PARD3B: variants seen among roughly 807,000 people sequenced by gnomAD.
The protein encoded by PARD3B is par-3 family cell polarity regulator beta.
Under a neutral mutation model 130.2 loss-of-function variants are expected in PARD3B, and 103 were observed. The ratio of observed to expected loss-of-function variants is 0.79; its 90% CI spans 0.67 to 0.93. PARD3B has a LOEUF of 0.93. Ranked by LOEUF, PARD3B falls within the 40% of genes least tolerant of loss-of-function variation. The pLI is 0.00. For synonymous variants in PARD3B, 583 were observed against 553.2 expected (o/e 1.05, Z -0.76); for missense variants, 1,609 against 1,499.2 (o/e 1.07, Z -1.21).
intron 3 of PARD3B, among the ~76,000 whole-genome samples, chr2:205,031,418 C>A (rs1697415170): frequency 6.6e-6 from 1 of 151,878 alleles, no homozygotes; most frequent in African/African-American, 2.4e-5. Flanking sequence ...GTTTGCTTAC[C>A]CTGAGAAGAC....
intron 1 of PARD3B, among the ~76,000 whole-genome samples, chr2:204,550,991 T>C (rs2030416460): frequency 1.3e-5 from 2 of 152,238 alleles, no homozygotes; most frequent in African/African-American, 4.8e-5. Context: ...GGGCACTGAC[T>C]TACTTGAGTG....
chr2:204,783,748 G>T (rs1299054221), intron 2 of PARD3B, among the ~76,000 whole-genome samples: 8 of 152,110 alleles, frequency 5.3e-5, no homozygotes, highest in African/African-American at 9.7e-5. Context: ...GTAAGGGACA[G>T]AGTTGAGATT....
At chr2:204,787,569 A>C (rs2042054736) in intron 2 of PARD3B, among the ~76,000 whole-genome samples, 1 of 152,148 alleles carries the variant, frequency 6.6e-6, no homozygotes, top group Non-Finnish European at 1.5e-5. Context: ...ATACTAGCAA[A>C]GGTAGGCCTT....
At chr2:205,005,453 A>G (rs1227287525) in intron 3 of PARD3B, among the ~76,000 whole-genome samples, 1 of 152,164 alleles carries the variant, frequency 6.6e-6, no homozygotes, top group Non-Finnish European at 1.5e-5. Context: ...AGAGGTCAGC[A>G]CCAGAAGAAA....
At chr2:204,929,345 C>G (rs1687858133) in intron 2 of PARD3B, among the ~76,000 whole-genome samples, 1 of 152,078 alleles carries the variant, frequency 6.6e-6, no homozygotes, top group Non-Finnish European at 1.5e-5. Flanking sequence ...ATCTAAACGT[C>G]AAACCCGCCA....
chr2:204,956,259 A>G (rs1468569829), intron 2 of PARD3B, among the ~76,000 whole-genome samples: 1 of 152,222 alleles, frequency 6.6e-6, no homozygotes, highest in Non-Finnish European at 1.5e-5. Flanking sequence ...TGTTTCTGAG[A>G]CGATTCTATC....
chr2:205,180,368 G>A (rs75357828), intron 13 of PARD3B, among the ~76,000 whole-genome samples: 4,253 of 151,914 alleles, frequency 0.028, 98 homozygotes, highest in African/African-American at 0.06. Flanking sequence ...TGGCCATCAC[G>A]TCTTTGTAAT....
chr2:204,748,654 T>C lies in PARD3B; in HGVS notation c.222+62372T>C, dbSNP rs1176742978. ...AGATTGCTGGTCCTCAACTCTAAAC[T>C]ATCTGATTCAGTGGGTGTGGAGTAG... is the stretch of plus-strand genomic sequence containing the variant. On this transcript the variant is annotated intron_variant, in intron 2 of 22. Transcript: ENST00000406610. Among the ~76,000 whole-genome samples, 6 of 152,278 alleles carry C rather than the reference T, an allele frequency of 3.9e-5. No individual in the cohort carries two copies. The East Asian group carries it at 1.2e-3, about 29-fold the overall frequency.
chr2:205,140,267 T>C (rs1488548735), intron 10 of PARD3B, among the ~76,000 whole-genome samples: 1 of 152,180 alleles, frequency 6.6e-6, no homozygotes, highest in Non-Finnish European at 1.5e-5. Flanking sequence ...AATAAGGATG[T>C]ATAAGGCCAT....
rs1421410791 is a variant in PARD3B, at chr2:205,258,447, C to T, written c.2185+12625C>T. Among the ~76,000 whole-genome samples, 1 of 152,186 alleles carries T rather than the reference C, an allele frequency of 6.6e-6. No homozygotes were observed. Among genetic ancestry groups the T allele is most frequent in the African/African-American group, 2.4e-5 (1 of 41,448 alleles). ...CACCCTATCTAAAATAGTCACCCAA[C>T]AAGAAGCCAGTTTCTCTCACCTTAC... On this transcript the variant is annotated intron_variant, in intron 16 of 22. Coordinates refer to ENST00000406610, the MANE Select transcript of PARD3B (RefSeq NM_001302769.2). This position sits in a 1 kb window ranked among gnomAD's most constrained non-coding sequence, Gnocchi z 4.9.
chr2:204,945,770 G>T (rs1473952103), intron 2 of PARD3B, among the ~76,000 whole-genome samples: 1 of 152,142 alleles, frequency 6.6e-6, no homozygotes, highest in Admixed American at 6.5e-5. Context: ...AAATATCCCT[G>T]GGCAAGACAT....
chr2:204,899,225 CTCCTCTCCT>C (rs1292364724), intron 2 of PARD3B, among the ~76,000 whole-genome samples: 2 of 124,114 alleles, frequency 1.6e-5, no homozygotes, highest in African/African-American at 6.3e-5. Context: ...CCCTCCTTCC[CTCCTCTCCT>C]TCCCTCCCTC....
At chr2:204,870,609 A>G (rs977966042) in intron 2 of PARD3B, among the ~76,000 whole-genome samples, 2 of 152,334 alleles carry the variant, frequency 1.3e-5, no homozygotes, top group South Asian at 4.1e-4. Flanking sequence ...TAAGTAAAAT[A>G]GGAAGATGAG....
chr2:204,668,304 A>ACACATAT (rs2036118964), intron 1 of PARD3B, among the ~76,000 whole-genome samples: 1 of 152,192 alleles, frequency 6.6e-6, no homozygotes, highest in Non-Finnish European at 1.5e-5. Flanking sequence ...ATTAGAAGTT[A>ACACATAT]TTATTGAAAT....
At chr2:204,969,301 C>T (rs1037213716) in intron 3 of PARD3B, among the ~76,000 whole-genome samples, 12 of 152,080 alleles carry the variant, frequency 7.9e-5, no homozygotes, top group African/African-American at 1.2e-4. Flanking sequence ...ATTTATTGAG[C>T]GCTTAAGTTC....
rs1559050598 is a variant in PARD3B, at chr2:205,394,596, A to G, written c.2631-6417A>G. 2.0e-5 allele frequency among the ~76,000 whole-genome samples: 3 copies of G among 152,324 alleles called. 1 individual carries two copies. Among genetic ancestry groups the G allele is most frequent in the African/African-American group, 4.8e-5 (2 of 41,592 alleles). ...AAGATGGAGACAACCCCAAATGTCC[A>G]TCAGTGGATGAGTGGATAAACAAAA... On this transcript the variant is annotated intron_variant, in intron 18 of 22. Transcript: ENST00000406610.
Position 204,950,282 on chromosome 2 carries a change from A to G in PARD3B, c.223-14870A>G, listed in dbSNP as rs78487290. Among the ~76,000 whole-genome samples the G allele has an allele frequency of 7.4e-3, 1,120 of 152,286 alleles. 21 individuals carry two copies. Among genetic ancestry groups the G allele is most frequent in the African/African-American group, 0.025 (1,049 of 41,556 alleles). On this transcript the variant is annotated intron_variant, in intron 2 of 22. Transcript: ENST00000406610. ...AAATGAGATAATACAGTCTGATACTATGTGCTTTGAATATGGTAAACATTC... is the reference window on the plus strand; with the variant it reads ...AAATGAGATAATACAGTCTGATACTGTGTGCTTTGAATATGGTAAACATTC...
intron 2 of PARD3B, among the ~76,000 whole-genome samples, chr2:204,748,640 CCT>C (rs1003697645): frequency 5.3e-5 from 8 of 152,066 alleles, no homozygotes; most frequent in African/African-American, 1.9e-4. Flanking sequence ...GATTGCTGGT[CCT>C]CAACTCTAAA....
Position 205,021,617 on chromosome 2 carries a change from T to TCC in PARD3B, c.395-25963_395-25962insCC. On this transcript the variant is annotated intron_variant, in intron 3 of 22. Transcript: ENST00000406610. The surrounding 1 kb of genome is among the most constrained non-coding windows in gnomAD (Gnocchi z 4.5). The stretch of plus-strand genomic sequence containing the variant: ...TCTTCTCTCTCTCTCTCTCTCTCTC[T>TCC]CTCCCTCTCTCTTTCTCTCTCTCTC... Among the ~76,000 whole-genome samples, 1 of 138,788 alleles carries TCC rather than the reference T, an allele frequency of 7.2e-6. No homozygotes were observed. The highest frequency in any genetic ancestry group is 7.7e-5 in the Admixed American group (1 of 13,020). 91.1% of individuals were successfully genotyped at this position (138,788 alleles called of 152,430 possible).
Sources: allele counts gnomAD v4.1 joint callset (sites outside exome capture counted in the v4.1 genomes callset), GRCh38; gene constraint gnomAD v4.1.1; non-coding constraint Gnocchi (gnomAD v3.1); transcripts MANE v1.5; gene names NCBI Gene and HGNC (gene_info 2026-07-23, HGNC 2026-07-21).